The following PRIM2 variants were observed in gnomAD, a reference collection of about 807,000 sequenced individuals.
The protein encoded by PRIM2 is DNA primase subunit 2, also known as DNA primase large subunit.
PRIM2 carries 39 observed loss-of-function variants against 67.3 expected under a neutral mutation model. The observed-to-expected ratio is 0.58, with a 90% CI of 0.45 to 0.76. PRIM2 has a LOEUF of 0.76. Among genes scored for constraint, PRIM2 ranks in the 30% least tolerant of loss-of-function variants. The probability of loss-of-function intolerance (pLI) is 0.00; values close to 1 mark genes in which losing one functional copy is unlikely to be tolerated. For synonymous variants in PRIM2, 143 were observed against 198.7 expected, an observed-to-expected ratio of 0.72 and a Z score of 2.36; for missense variants, 398 against 598.7, an observed-to-expected ratio of 0.66 and a Z score of 3.50.
chr6:57,459,667 A>G (rs1220030324), intron 7 of PRIM2, among the ~76,000 whole-genome samples: 1 of 152,194 alleles, frequency 6.6e-6, no homozygotes, highest in East Asian at 1.9e-4. Flanking sequence ...GCCTCCATGC[A>G]GGAAACTTGG....
At chr6:57,434,140 G>C (rs1456707617) in intron 7 of PRIM2, among the ~76,000 whole-genome samples, 1 of 151,802 alleles carries the variant, frequency 6.6e-6, no homozygotes, top group African/African-American at 2.4e-5. Context: ...GTCAGGCTGG[G>C]TCTTGAACTC....
intron 1 of PRIM2, among the ~76,000 whole-genome samples, chr6:57,318,095 A>C (rs917385182): frequency 2.0e-5 from 3 of 152,190 alleles, no homozygotes; most frequent in African/African-American, 7.2e-5. Flanking sequence ...GTAAAACCTT[A>C]TGTTAACTCT....
intron 5 of PRIM2, among the ~76,000 whole-genome samples, chr6:57,350,796 T>A (rs936451340): frequency 6.6e-6 from 1 of 152,134 alleles, no homozygotes; most frequent in Non-Finnish European, 1.5e-5. Flanking sequence ...ACCTTTACTT[T>A]TGTGGACGTT....
chr6:57,466,933 C>G (rs1773212101), intron 7 of PRIM2, among the ~76,000 whole-genome samples: 1 of 151,872 alleles, frequency 6.6e-6, no homozygotes, highest in African/African-American at 2.4e-5. Flanking sequence ...CCAGCCTGAC[C>G]AAATGGAGAA....
chr6:57,351,204 G>A (rs550162310), intron 5 of PRIM2, among the ~76,000 whole-genome samples: 1 of 151,912 alleles, frequency 6.6e-6, no homozygotes, highest in South Asian at 2.1e-4. Context: ...TCAGATTTTG[G>A]AAAGTTTATC....
intron 5 of PRIM2, among the ~76,000 whole-genome samples, chr6:57,335,556 T>TGACCCCC (rs1768208159): frequency 2.0e-5 from 3 of 152,358 alleles, no homozygotes; most frequent in South Asian, 4.1e-4. Flanking sequence ...CCCTGACCCC[T>TGACCCCC]GACCCCCGAG....
intron 2 of PRIM2, 70 bp downstream of exon 2, chr6:57,318,669 A>G: frequency 8.0e-7 from 1 of 1,254,282 alleles, no homozygotes; most frequent in Non-Finnish European, 1.1e-6. Context: ...GAATGAATGA[A>G]GGTAATTCAT....
chr6:57,481,738 T>A (rs1773634236), intron 7 of PRIM2, among the ~76,000 whole-genome samples: 1 of 152,196 alleles, frequency 6.6e-6, no homozygotes, highest in Non-Finnish European at 1.5e-5. Context: ...GTGACTCTGG[T>A]TTTGTATTCT....
intron 7 of PRIM2, among the ~76,000 whole-genome samples, chr6:57,434,298 C>T (rs1453516882): frequency 6.6e-6 from 1 of 151,940 alleles, no homozygotes; most frequent in African/African-American, 2.4e-5. Context: ...ATGTAAAGCA[C>T]TTAGAACAGT....
intron 8 of PRIM2, among the ~76,000 whole-genome samples, chr6:57,521,378 T>TTTTTG (rs1554348901): frequency 6.8e-6 from 1 of 147,364 alleles, no homozygotes; most frequent in Non-Finnish European, 1.5e-5. Flanking sequence ...TTTTTTTTTT[T>TTTTTG]TTTTTTTTTT....
At chr6:57,271,281 G>T in the PRIM2 span, among the ~76,000 whole-genome samples, 1 of 152,010 alleles carries the variant, frequency 6.6e-6, no homozygotes, top group Non-Finnish European at 1.5e-5. Flanking sequence ...GTTGGTAAGC[G>T]ATTGATTATT....
At chr6:57,635,899 C>T (rs1777113852) in intron 13 of PRIM2, among the ~76,000 whole-genome samples, 1 of 152,206 alleles carries the variant, frequency 6.6e-6, no homozygotes, top group African/African-American at 2.4e-5. Context: ...CTGATCATTT[C>T]AGGAACCTGC....
chr6:57,590,050 T>C (rs1776259411), intron 10 of PRIM2, among the ~76,000 whole-genome samples: 1 of 152,176 alleles, frequency 6.6e-6, no homozygotes, highest in African/African-American at 2.4e-5. Flanking sequence ...AAAGAAAGAC[T>C]TCTAGCTGAG....
intron 4 of PRIM2, among the ~76,000 whole-genome samples, chr6:57,325,619 T>C (rs1373674333): frequency 6.6e-6 from 1 of 152,200 alleles, no homozygotes; most frequent in African/African-American, 2.4e-5. Context: ...AAAATGAATA[T>C]TTTGCAGTTA....
chr6:57,433,545 T>C (rs897630105), intron 7 of PRIM2, among the ~76,000 whole-genome samples: 1 of 152,148 alleles, frequency 6.6e-6, no homozygotes, highest in African/African-American at 2.4e-5. Flanking sequence ...TCGGAATCCT[T>C]AGGGGAGCAA....
At chr6:57,345,410 A>G (rs1768639106) in intron 5 of PRIM2, among the ~76,000 whole-genome samples, 1 of 150,842 alleles carries the variant, frequency 6.6e-6, no homozygotes, top group African/African-American at 2.4e-5. Context: ...CAAGTGATTC[A>G]TCCACCTCAG....
At chr6:57,340,059 A>G (rs910433610) in intron 5 of PRIM2, among the ~76,000 whole-genome samples, 6 of 152,158 alleles carry the variant, frequency 3.9e-5, no homozygotes, top group Admixed American at 2.0e-4. Flanking sequence ...ATGAACAGAC[A>G]CTTCTCAAAA....
chr6:57,221,551 C>T, the PRIM2 span: 2 of 152,422 alleles, frequency 1.3e-5, no homozygotes, highest in Non-Finnish European at 2.9e-5. Flanking sequence ...TCTTCGCCAT[C>T]AAACCTAACC....
chr6:57,247,456 A>G, the PRIM2 span, among the ~76,000 whole-genome samples: 5 of 152,258 alleles, frequency 3.3e-5, no homozygotes, highest in Admixed American at 2.0e-4. Flanking sequence ...AAAAAGTATT[A>G]TGAAATAAAT....
Sources: allele counts gnomAD v4.1 joint callset (sites outside exome capture counted in the v4.1 genomes callset), GRCh38; gene constraint gnomAD v4.1.1; transcripts MANE v1.5; gene names NCBI Gene and HGNC (gene_info 2026-07-23, HGNC 2026-07-21).